Variants in TRDN observed in about 807,000 individuals in gnomAD.
The protein encoded by TRDN is triadin.
TRDN carries 161 observed loss-of-function variants against 149.7 expected under a neutral mutation model. That is an observed-to-expected ratio of 1.08 (90% CI 0.95 to 1.23). The LOEUF (loss-of-function observed/expected upper bound fraction) is 1.23. Among genes scored for constraint, TRDN ranks in the 50% most tolerant of loss-of-function variants. The pLI is 0.00. For synonymous variants in TRDN, 294 were observed against 250.5 expected (o/e 1.17, Z -1.64); for missense variants, 896 against 823.5 (o/e 1.09, Z -1.08).
intron 32 of TRDN, among the ~76,000 whole-genome samples, chr6:123,266,693 T>TTATAATATGTAA (rs1777011023): frequency 9.3e-6 from 1 of 107,156 alleles, no homozygotes; most frequent in Non-Finnish European, 1.7e-5. Context: ...ATGTAATATA[T>TTATAATATGTAA]TATAATATGT....
At chr6:123,315,233 G>A (rs1778981069) in intron 24 of TRDN, among the ~76,000 whole-genome samples, 2 of 151,748 alleles carry the variant, frequency 1.3e-5, no homozygotes, top group South Asian at 4.2e-4. Flanking sequence ...TTTGTACGCA[G>A]TTTTTCCTTT....
Position 123,529,252 on chromosome 6 carries a change from G to T in TRDN, c.484+1254C>A, listed in dbSNP as rs190424970. The T allele has an allele frequency of 2.8e-5, 43 of 1,548,900 alleles. No homozygotes were observed. In the African/African-American group the frequency reaches 3.4e-4, roughly 12 times the overall value. On this transcript the variant is annotated intron_variant, in intron 5 of 40. Coordinates refer to ENST00000334268, the MANE Select transcript of TRDN (RefSeq NM_006073.4). ...AGAAACACAGAGCCAGTTCAGTCAT[G>T]GTTCGCTTAGTCAATCCGTACTCAA...
intron 10 of TRDN, among the ~76,000 whole-genome samples, chr6:123,442,559 A>AG (rs1257022279): frequency 1.5e-5 from 2 of 130,216 alleles, no homozygotes; most frequent in African/African-American, 5.2e-5. Flanking sequence ...AAAAAAAAAA[A>AG]AAGAAAAAAA....
At chr6:123,468,287 C>T (rs191938043) in intron 9 of TRDN, among the ~76,000 whole-genome samples, 8 of 152,254 alleles carry the variant, frequency 5.3e-5, no homozygotes, top group Non-Finnish European at 8.8e-5. Context: ...TTGAAATTTA[C>T]ATTCGAACTC....
intron 1 of TRDN, among the ~76,000 whole-genome samples, chr6:123,587,705 G>A (rs561132428): frequency 4.3e-4 from 66 of 151,880 alleles, no homozygotes; most frequent in African/African-American, 1.6e-3. Context: ...CAAAAAGAGA[G>A]TCAGTGAAGG....
At chr6:123,433,182 T>TATATACAC (rs1562310492) in intron 12 of TRDN, among the ~76,000 whole-genome samples, 25 of 143,360 alleles carry the variant, frequency 1.7e-4, no homozygotes, top group African/African-American at 6.5e-4. Flanking sequence ...TATATATATA[T>TATATACAC]ACATCACACA....
chr6:123,425,862 T>G (rs1222820169), intron 12 of TRDN, among the ~76,000 whole-genome samples: 1 of 151,986 alleles, frequency 6.6e-6, no homozygotes. Flanking sequence ...GATATTTATA[T>G]AATATACATA....
intron 39 of TRDN, among the ~76,000 whole-genome samples, chr6:123,222,711 G>C (rs1369683005): frequency 2.7e-5 from 4 of 150,518 alleles, no homozygotes; most frequent in South Asian, 2.1e-4. Flanking sequence ...AGAAGTGGAA[G>C]AGAAAATACT....
chr6:123,446,252 G>A (rs1015344703), intron 10 of TRDN, among the ~76,000 whole-genome samples: 2 of 151,626 alleles, frequency 1.3e-5, no homozygotes, highest in African/African-American at 4.9e-5. Context: ...GGGGGGAGTG[G>A]GGAGGGATAG....
At chr6:123,575,466 T>C (rs1281460252) in intron 1 of TRDN, among the ~76,000 whole-genome samples, 1 of 152,098 alleles carries the variant, frequency 6.6e-6, no homozygotes, top group East Asian at 1.9e-4. Flanking sequence ...AGCTAGTTAT[T>C]GATATGGCAG....
chr6:123,529,234 CAG>C, intron 5 of TRDN: 1 of 1,548,778 alleles, frequency 6.5e-7, no homozygotes, highest in South Asian at 1.2e-5. Flanking sequence ...GATAGAAACA[CAG>C]AGCCAGTTCA....
chr6:123,623,475 T>A (rs899271541), intron 1 of TRDN, among the ~76,000 whole-genome samples: 1 of 152,024 alleles, frequency 6.6e-6, no homozygotes, highest in Non-Finnish European at 1.5e-5. Flanking sequence ...AAAATTATGG[T>A]GAGAGGTGCT....
intron 24 of TRDN, among the ~76,000 whole-genome samples, chr6:123,281,245 G>C (rs368481193): frequency 1.3e-5 from 2 of 151,864 alleles, no homozygotes; most frequent in Non-Finnish European, 2.9e-5. Context: ...TTGTTTCCTG[G>C]GTTCTCAGAA....
At chr6:123,541,617 TGA>T (rs1213709146) in intron 4 of TRDN, among the ~76,000 whole-genome samples, 1 of 152,148 alleles carries the variant, frequency 6.6e-6, no homozygotes, top group Non-Finnish European at 1.5e-5. Context: ...TCATGCAGCC[TGA>T]GAGCGATATG....
chr6:123,327,334 T>C (rs1779495148), intron 23 of TRDN, among the ~76,000 whole-genome samples: 1 of 152,070 alleles, frequency 6.6e-6, no homozygotes, highest in African/African-American at 2.4e-5. Context: ...TTTCAAAAAA[T>C]ATTTTCTTAT....
chr6:123,493,207 A>G (rs998382246), intron 9 of TRDN, among the ~76,000 whole-genome samples: 4 of 152,106 alleles, frequency 2.6e-5, no homozygotes, highest in Admixed American at 1.3e-4. Flanking sequence ...AATTTTCTTC[A>G]TGTTTCAACT....
intron 2 of TRDN, among the ~76,000 whole-genome samples, chr6:123,550,969 T>A (rs1302534085): frequency 6.6e-6 from 1 of 151,776 alleles, no homozygotes; most frequent in Non-Finnish European, 1.5e-5. Flanking sequence ...TTTAAAAGAA[T>A]CATATGTAAG....
intron 8 of TRDN, chr6:123,502,798 T>C (rs187579196): frequency 2.0e-4 from 193 of 985,314 alleles, no homozygotes; most frequent in Non-Finnish European, 2.2e-4. Flanking sequence ...AATTTGGTTT[T>C]GCAATGTCTC....
intron 1 of TRDN, among the ~76,000 whole-genome samples, chr6:123,607,677 T>C (rs1784584828): frequency 6.6e-6 from 1 of 152,174 alleles, no homozygotes; most frequent in Non-Finnish European, 1.5e-5. Context: ...AGATTATGTT[T>C]ATTTGCCATA....
Sources: gnomAD v4.1 joint callset for allele counts (sites outside exome capture counted in the v4.1 genomes callset) on GRCh38, gnomAD v4.1.1 for gene constraint, MANE v1.5 for transcripts, NCBI Gene and HGNC (gene_info 2026-07-23, HGNC 2026-07-21) for gene names.